CNTNAP4: variants seen among roughly 807,000 people sequenced by gnomAD.
CNTNAP4 encodes contactin-associated protein-like 4.
In CNTNAP4, 98 loss-of-function variants were observed where a neutral mutation model predicts 148.4. That is an observed-to-expected ratio of 0.66 (90% CI 0.56 to 0.78). The LOEUF (loss-of-function observed/expected upper bound fraction) is 0.78. Among genes scored for constraint, CNTNAP4 ranks in the 30% least tolerant of loss-of-function variants. The pLI, the probability that CNTNAP4 is intolerant of heterozygous loss-of-function variation, is 0.00. For synonymous variants in CNTNAP4, 730 were observed against 565.1 expected (o/e 1.29, Z -4.14); for missense variants, 1,935 against 1,565.6 (o/e 1.24, Z -3.98).
intron 2 of CNTNAP4, among the ~76,000 whole-genome samples, chr16:76,333,115 A>G (rs1963686423): frequency 6.6e-6 from 1 of 152,200 alleles, no homozygotes; most frequent in Non-Finnish European, 1.5e-5. Flanking sequence ...TGAGGGTTAC[A>G]TCTGTGCTGA....
intron 3 of CNTNAP4, among the ~76,000 whole-genome samples, chr16:76,371,082 C>T (rs922919438): frequency 2.0e-5 from 3 of 152,070 alleles, no homozygotes; most frequent in Non-Finnish European, 4.4e-5. Flanking sequence ...GAGTGGTGCT[C>T]TCCTTAATCA....
intron 3 of CNTNAP4, among the ~76,000 whole-genome samples, chr16:76,406,241 T>C (rs1426855194): frequency 6.6e-6 from 1 of 152,158 alleles, no homozygotes; most frequent in Non-Finnish European, 1.5e-5. Context: ...TCAGTGATGT[T>C]TGATGTTACT....
chr16:76,473,053 A>G (rs2081431245), intron 10 of CNTNAP4, among the ~76,000 whole-genome samples: 1 of 152,228 alleles, frequency 6.6e-6, no homozygotes, highest in Non-Finnish European at 1.5e-5. Flanking sequence ...TTGATTACCA[A>G]CTAGAATTTT....
intron 3 of CNTNAP4, among the ~76,000 whole-genome samples, chr16:76,376,972 T>C (rs193184205): frequency 3.3e-5 from 5 of 150,860 alleles, no homozygotes; most frequent in Non-Finnish European, 5.9e-5. Context: ...TACATACATG[T>C]ATGGAGGTTG....
intron 4 of CNTNAP4, among the ~76,000 whole-genome samples, chr16:76,445,613 A>G (rs1423167244): frequency 6.6e-6 from 1 of 152,168 alleles, no homozygotes; most frequent in African/African-American, 2.4e-5. Context: ...GCTGATTGAA[A>G]TATTCCAGGC....
rs1258706732 is a variant in CNTNAP4 at position 76,467,336 on chromosome 16, A to G, written c.1484-16A>G. The G allele has an allele frequency of 6.2e-7, 1 of 1,612,348 alleles. No individual in the cohort carries two copies. The highest frequency in any genetic ancestry group is 1.3e-5 in the African/African-American group (1 of 74,878). On this transcript the variant is annotated splice_polypyrimidine_tract_variant and intron_variant, in intron 9 of 23. Coordinates refer to ENST00000611870, the MANE Select transcript of CNTNAP4 (RefSeq NM_033401.5). ...ATTCATTGTGATGCGTACTGGATTT[A>G]TTTCGTTTTTATCAGGTTGTCCTGA...
At chr16:76,450,855 G>C (rs562771797) in intron 7 of CNTNAP4, among the ~76,000 whole-genome samples, 4 of 152,282 alleles carry the variant, frequency 2.6e-5, no homozygotes, top group African/African-American at 9.6e-5. Context: ...ATTAGGACTT[G>C]GACCTCAGCA....
At chr16:76,483,720 A>G (rs1168328480) in intron 12 of CNTNAP4, among the ~76,000 whole-genome samples, 1 of 152,212 alleles carries the variant, frequency 6.6e-6, no homozygotes, top group African/African-American at 2.4e-5. Flanking sequence ...ACATTTGTTC[A>G]TAGTATGAGA....
At position 76,316,207 on chromosome 16, in the gene CNTNAP4, T is replaced by G; in HGVS notation, c.86-206T>G. 6.7e-6 allele frequency: 4 copies of G among 597,594 alleles called. No homozygotes were observed. In the Admixed American group the frequency reaches 8.8e-5, roughly 13 times the overall value. The allele number at this position is 597,594 out of a possible 1,614,324, so 37.0% of individuals were successfully genotyped here. On this transcript the variant is annotated intron_variant, in intron 1 of 23. Transcript: ENST00000611870. ...TATAATTTTATGATTTTTAAAGTAT[T>G]TTCATATTCTCCTGTCTTTAAGTTT...
chr16:76,484,141 A>T (rs1483664466), intron 12 of CNTNAP4, among the ~76,000 whole-genome samples: 1 of 151,720 alleles, frequency 6.6e-6, no homozygotes, highest in Non-Finnish European at 1.5e-5. Context: ...AGTTAAGACT[A>T]AACAATTCTA....
intron 13 of CNTNAP4, among the ~76,000 whole-genome samples, chr16:76,490,652 A>G (rs8043773): frequency 0.085 from 12,989 of 152,242 alleles, 830 homozygotes; most frequent in South Asian, 0.16. Context: ...TTAACCTTTA[A>G]GAAATGCTGC....
At chr16:76,529,026 A>C (rs2083860837) in intron 17 of CNTNAP4, among the ~76,000 whole-genome samples, 1 of 152,224 alleles carries the variant, frequency 6.6e-6, no homozygotes, top group African/African-American at 2.4e-5. Context: ...TGACTAAGTG[A>C]TAAGAATTAA....
At chr16:76,412,918 A>G (rs781230738) in intron 3 of CNTNAP4, among the ~76,000 whole-genome samples, 5 of 151,476 alleles carry the variant, frequency 3.3e-5, no homozygotes, top group Non-Finnish European at 4.4e-5. Context: ...TTTCACATTT[A>G]TGTCTACAGT....
At chr16:76,399,553 A>G (rs1311071531) in intron 3 of CNTNAP4, among the ~76,000 whole-genome samples, 1 of 152,350 alleles carries the variant, frequency 6.6e-6, no homozygotes, top group East Asian at 1.9e-4. Context: ...GGGAGAGATC[A>G]AGAATACCTA....
chr16:76,377,188 G>A (rs1430731592), intron 3 of CNTNAP4, among the ~76,000 whole-genome samples: 1 of 152,052 alleles, frequency 6.6e-6, no homozygotes, highest in Admixed American at 6.6e-5. Context: ...CTGATTAGAT[G>A]AGGCCCACCC....
intron 2 of CNTNAP4, among the ~76,000 whole-genome samples, chr16:76,327,306 A>G (rs1361638109): frequency 6.6e-6 from 1 of 152,160 alleles, no homozygotes; most frequent in African/African-American, 2.4e-5. Flanking sequence ...ATGTGGTATT[A>G]GGTTTTCTAT....
At chr16:76,327,304 T>G (rs1352638640) in intron 2 of CNTNAP4, among the ~76,000 whole-genome samples, 1 of 152,230 alleles carries the variant, frequency 6.6e-6, no homozygotes, top group Non-Finnish European at 1.5e-5. Context: ...ACATGTGGTA[T>G]TAGGTTTTCT....
intron 3 of CNTNAP4, among the ~76,000 whole-genome samples, chr16:76,380,565 C>G (rs986082416): frequency 6.6e-6 from 1 of 152,048 alleles, no homozygotes; most frequent in Non-Finnish European, 1.5e-5. Context: ...TAGATTCAAG[C>G]GAAGTGTAAC....
intron 1 of CNTNAP4, among the ~76,000 whole-genome samples, chr16:76,312,635 T>C (rs959633257): frequency 6.6e-6 from 1 of 152,166 alleles, no homozygotes; most frequent in Admixed American, 6.6e-5. Context: ...AATTTGTTCA[T>C]GCTATTATGG....
Sources: gnomAD v4.1 joint callset for allele counts (sites outside exome capture counted in the v4.1 genomes callset) on GRCh38, gnomAD v4.1.1 for gene constraint, MANE v1.5 for transcripts, NCBI Gene and HGNC (gene_info 2026-07-23, HGNC 2026-07-21) for gene names.